SLC35D1: variants seen among roughly 807,000 people sequenced by gnomAD.
The protein encoded by SLC35D1 is nucleotide sugar transporter SLC35D1.
In SLC35D1, 31 loss-of-function variants were observed where a neutral mutation model predicts 46.7. That is an observed-to-expected ratio of 0.66 (90% confidence interval 0.50 to 0.90). The LOEUF is 0.90. SLC35D1 is among the 40% of genes least tolerant of loss of function. SLC35D1 has a pLI of 0.00. For synonymous variants in SLC35D1, 195 were observed against 164.6 expected (o/e 1.18, Z -1.41); for missense variants, 397 against 426.2 (o/e 0.93, Z 0.60).
At chr1:67,015,006 AAAGT>A (rs1667652777) in intron 10 of SLC35D1, among the ~76,000 whole-genome samples, 1 of 151,252 alleles carries the variant, frequency 6.6e-6, no homozygotes, top group Non-Finnish European at 1.5e-5. Flanking sequence ...TTTTTCACTA[AAAGT>A]AAGAGTTACT....
At chr1:67,041,017 ACAAGTTTCTTAGTCT>A (rs1372391799) in intron 8 of SLC35D1, among the ~76,000 whole-genome samples, 2 of 152,148 alleles carry the variant, frequency 1.3e-5, no homozygotes, top group African/African-American at 4.8e-5. Context: ...ATGACACTGG[ACAAGTTTCTTAGTCT>A]CTCTGAACCT....
the SLC35D1 span, among the ~76,000 whole-genome samples, chr1:66,975,775 CATT>C: frequency 6.6e-6 from 1 of 152,086 alleles, no homozygotes; most frequent in Non-Finnish European, 1.5e-5. Context: ...AAAGCATTAG[CATT>C]ATTATGATAC....
intron 6 of SLC35D1, among the ~76,000 whole-genome samples, chr1:67,047,855 A>G (rs1185619558): frequency 6.6e-6 from 1 of 152,062 alleles, no homozygotes; most frequent in South Asian, 2.1e-4. Context: ...TTCTGAGATC[A>G]AGCTAGAACA....
intron 10 of SLC35D1, among the ~76,000 whole-genome samples, chr1:67,017,695 C>T (rs534262292): frequency 4.5e-4 from 68 of 152,248 alleles, no homozygotes; most frequent in African/African-American, 1.4e-3. Flanking sequence ...AGACATTAAC[C>T]TTGGTTTTTT....
intron 11 of SLC35D1, among the ~76,000 whole-genome samples, chr1:67,008,844 G>A (rs1276137798): frequency 6.7e-6 from 1 of 149,258 alleles, no homozygotes; most frequent in Non-Finnish European, 1.5e-5. Context: ...CTGGGCTCAA[G>A]CAATCTGTCC....
At position 67,047,268 on chromosome 1, in the gene SLC35D1, T is replaced by C. The variant is rs758992054; in HGVS notation, c.633A>G (p.Ser211=). 1 of 1,610,608 alleles carries C rather than the reference T, an allele frequency of 6.2e-7. No individual in the cohort carries two copies. Among genetic ancestry groups the C allele is most frequent in the Non-Finnish European group, 8.5e-7 (1 of 1,177,630 alleles). Residue 211 remains serine (S), a synonymous_variant, in exon 7 of 12, where the codon TCA becomes TCG. Transcript: ENST00000235345. ...AAAGCTTTAGATTGCTACTTACTTT[T>C]GAATCTAATTTTTGTTTTACGTATG... is the stretch of plus-strand genomic sequence containing the variant. ...NGAYVKQKLD[S]KELGKYGLLY... is the part of the protein sequence containing the mutation.
intron 8 of SLC35D1, chr1:67,032,099 T>C (rs1384584599): frequency 1.0e-6 from 1 of 985,220 alleles, no homozygotes; most frequent in African/African-American, 1.7e-5. Flanking sequence ...CTTGGCTGAC[T>C]GGTAGCTGTG....
chr1:67,014,429 T>C (rs1039502357), intron 10 of SLC35D1, among the ~76,000 whole-genome samples: 22 of 152,224 alleles, frequency 1.4e-4, no homozygotes, highest in African/African-American at 4.8e-4. Context: ...ATTTTACTGG[T>C]CTTATGGCTA....
the SLC35D1 span, among the ~76,000 whole-genome samples, chr1:66,990,911 A>C: frequency 6.6e-6 from 1 of 152,248 alleles, no homozygotes; most frequent in African/African-American, 2.4e-5. Flanking sequence ...TCATACACCC[A>C]CATCCAAGCA....
At chr1:66,975,863 G>A in the SLC35D1 span, among the ~76,000 whole-genome samples, 2 of 152,188 alleles carry the variant, frequency 1.3e-5, no homozygotes, top group Non-Finnish European at 2.9e-5. Flanking sequence ...GTTGGGACTA[G>A]TAAGAGAATC....
At chr1:66,980,220 A>AT in the SLC35D1 span, among the ~76,000 whole-genome samples, 1 of 152,114 alleles carries the variant, frequency 6.6e-6, no homozygotes, top group South Asian at 2.1e-4. Flanking sequence ...TTGTTATGTA[A>AT]TTTTTCTATA....
At chr1:67,036,353 G>A (rs1558161731) in intron 8 of SLC35D1, among the ~76,000 whole-genome samples, 2 of 151,780 alleles carry the variant, frequency 1.3e-5, no homozygotes, top group African/African-American at 4.8e-5. Context: ...TTTATATATC[G>A]GTGCATTCTT....
chr1:67,033,903 T>C (rs1668071922), intron 8 of SLC35D1, among the ~76,000 whole-genome samples: 1 of 152,182 alleles, frequency 6.6e-6, no homozygotes, highest in East Asian at 1.9e-4. Context: ...TTTGCATATG[T>C]ACACCCGGCT....
rs964691631 is a variant in SLC35D1, at chr1:67,013,157, G to GATATATATAT, written c.877-4000_877-3991dup. ...ATAATTTAAGAACATATATCCTGGA[G>GATATATATAT]ATATATATATATCCTGTTCTTAAAT... On this transcript the variant is annotated intron_variant, in intron 10 of 11. Coordinates refer to ENST00000235345, the MANE Select transcript of SLC35D1 (RefSeq NM_015139.3). Among the ~76,000 whole-genome samples the GATATATATAT allele has an allele frequency of 4.0e-4, 12 of 29,814 alleles. 3 individuals are homozygous for GATATATATAT. The highest frequency in any genetic ancestry group is 1.6e-3 in the East Asian group (1 of 632). The allele number at this position is 29,814 out of a possible 152,430, so 19.6% of individuals were successfully genotyped here.
the SLC35D1 span, among the ~76,000 whole-genome samples, chr1:66,978,182 C>A: frequency 2.7e-5 from 4 of 145,826 alleles, no homozygotes; most frequent in Non-Finnish European, 6.0e-5. Flanking sequence ...GGCAACAGAG[C>A]GAAACTCCAT....
the SLC35D1 span, chr1:66,987,702 GATTA>G: frequency 7.2e-6 from 1 of 138,834 alleles, no homozygotes; most frequent in African/African-American, 3.0e-5. Context: ...ATTTTCATTA[GATTA>G]ATTCACTAAG....
At chr1:67,048,927 A>C (rs1645279475) in intron 6 of SLC35D1, among the ~76,000 whole-genome samples, 1 of 152,230 alleles carries the variant, frequency 6.6e-6, no homozygotes, top group Admixed American at 6.5e-5. Flanking sequence ...TCGAAAAGGC[A>C]AGCAAATGTT....
chr1:66,975,155 T>C, the SLC35D1 span, among the ~76,000 whole-genome samples: 1 of 152,124 alleles, frequency 6.6e-6, no homozygotes, highest in African/African-American at 2.4e-5. Context: ...CTACAGAATA[T>C]TTACTTCAAG....
the SLC35D1 span, among the ~76,000 whole-genome samples, chr1:66,979,651 A>G: frequency 6.6e-6 from 1 of 152,108 alleles, no homozygotes; most frequent in East Asian, 1.9e-4. Flanking sequence ...TCTGGATGCT[A>G]TTAATCTTTA....
Sources: allele counts gnomAD v4.1 joint callset (sites outside exome capture counted in the v4.1 genomes callset), GRCh38; gene constraint gnomAD v4.1.1; transcripts MANE v1.5; gene names NCBI Gene and HGNC (gene_info 2026-07-23, HGNC 2026-07-21).